ESRRG: variants seen among roughly 807,000 people sequenced by gnomAD.
ESRRG encodes the protein estrogen-related receptor gamma.
Under a neutral mutation model 44.0 loss-of-function variants are expected in ESRRG, and 13 were observed. The observed-to-expected ratio is 0.30, with a 90% confidence interval of 0.19 to 0.47. The LOEUF (loss-of-function observed/expected upper bound fraction) is 0.47, where lower values mean the gene tolerates loss of function less well. Ranked by LOEUF, ESRRG falls within the 20% of genes least tolerant of loss-of-function variation. The pLI, the probability that ESRRG is intolerant of heterozygous loss-of-function variation, is 1.00. For synonymous variants in ESRRG, 215 were observed against 214.6 expected, an observed-to-expected ratio of 1.00 and a Z score of -0.02; for missense variants, 395 against 580.6, an observed-to-expected ratio of 0.68 and a Z score of 3.29.
chr1:216,711,744 AATATACTTG>A lies in ESRRG; in HGVS notation c.56+11491_56+11499del, dbSNP rs543051889. Among the ~76,000 whole-genome samples the A allele has an allele frequency of 3.6e-3, 550 of 152,342 alleles. 4 individuals are homozygous for A. The highest frequency in any genetic ancestry group is 0.012 in the African/African-American group (491 of 41,578). ...AAAAAGTTGCTAAAAATGATATTAT[AATATACTTG>A]GTATAATTGTAGATAGAATTCATGT... is the stretch of plus-strand genomic sequence containing the variant. On this transcript the variant is annotated intron_variant, in intron 1 of 6. Coordinates refer to ENST00000408911, the MANE Select transcript of ESRRG (RefSeq NM_001438.4).
Position 217,035,606 on chromosome 1 carries a change from G to A in ESRRG, c.-106+53901C>T, listed in dbSNP as rs148708277. On this transcript the variant is annotated intron_variant, in intron 1 of 7. Coordinates refer to the ESRRG transcript ENST00000359162. The stretch of plus-strand genomic sequence containing the variant: ...CAGAAAAAAAGTTACTAGGCCCTGC[G>A]ATATTTAATAGGATGTTTTGGTTTA... 4.4e-3 allele frequency among the ~76,000 whole-genome samples: 659 copies of A among 150,888 alleles called. 4 individuals carry two copies. The highest frequency in any genetic ancestry group is 0.015 in the African/African-American group (630 of 41,140).
intron 1 of ESRRG, among the ~76,000 whole-genome samples, chr1:217,127,252 A>C (rs1310420267): frequency 6.6e-6 from 1 of 152,162 alleles, no homozygotes; most frequent in Non-Finnish European, 1.5e-5. Context: ...TTCTATGTTT[A>C]TTATTGCCTT....
rs191453513 is a variant in ESRRG, at chr1:216,807,647, C to T, written c.-13-130156G>A. ...GGAGGCAGATCTCAGCTGTGTTAGACGGGAGAGAACAGTAAGTTTCCGGTA... is the reference window on the plus strand; with the variant it reads ...GGAGGCAGATCTCAGCTGTGTTAGATGGGAGAGAACAGTAAGTTTCCGGTA... On this transcript the variant is annotated intron_variant, in intron 2 of 7. Coordinates refer to the ESRRG transcript ENST00000359162. 2.2e-3 allele frequency among the ~76,000 whole-genome samples: 328 copies of T among 151,812 alleles called. 2 individuals are homozygous for T. Among genetic ancestry groups the T allele is most frequent in the Non-Finnish European group, 3.7e-3 (254 of 67,988 alleles).
At chr1:216,781,744 TA>T (rs2093944608) in intron 2 of ESRRG, among the ~76,000 whole-genome samples, 1 of 151,976 alleles carries the variant, frequency 6.6e-6, no homozygotes, top group South Asian at 2.1e-4. Flanking sequence ...TGTAATCAGG[TA>T]AGACAAAAAC....
At chr1:216,815,134 G>A (rs1412805913) in intron 2 of ESRRG, among the ~76,000 whole-genome samples, 1 of 152,164 alleles carries the variant, frequency 6.6e-6, no homozygotes, top group African/African-American at 2.4e-5. Flanking sequence ...GGTCTTAGGT[G>A]AGCACATTAT....
chr1:216,561,599 G>A (rs571039306), intron 5 of ESRRG, among the ~76,000 whole-genome samples: 1 of 152,148 alleles, frequency 6.6e-6, no homozygotes, highest in Admixed American at 6.6e-5. Flanking sequence ...CTGTAGTGTG[G>A]TCCTCTACTG....
chr1:217,131,382 A>G lies in ESRRG; in HGVS notation c.-230+6285T>C, dbSNP rs185447243. Among the ~76,000 whole-genome samples, 5 of 147,756 alleles carry G rather than the reference A, an allele frequency of 3.4e-5. No homozygotes were observed. In the East Asian group the frequency reaches 5.8e-4, roughly 17 times the overall value. On this transcript the variant is annotated intron_variant, in intron 1 of 8. Transcript: ENST00000366940. ...TTTGAATAATTCAAGTTAAAAAAAT[A>G]TCTTCACTTTGATCTCAAGCATGTA...
intron 2 of ESRRG, among the ~76,000 whole-genome samples, chr1:216,914,512 C>T (rs1269427499): frequency 4.6e-5 from 7 of 152,128 alleles, no homozygotes; most frequent in African/African-American, 1.2e-4. Flanking sequence ...TCAGAAGGAA[C>T]GCTCACATAA....
chr1:216,718,021 A>G (rs1191896738), intron 1 of ESRRG, among the ~76,000 whole-genome samples: 1 of 151,858 alleles, frequency 6.6e-6, no homozygotes, highest in Non-Finnish European at 1.5e-5. Context: ...ATTATTTATG[A>G]TTTCCAGATA....
intron 1 of ESRRG, among the ~76,000 whole-genome samples, chr1:216,978,338 A>G (rs1449613360): frequency 6.6e-6 from 1 of 152,194 alleles, no homozygotes; most frequent in African/African-American, 2.4e-5. Context: ...AACAGAGACT[A>G]TATAGCTGGC....
intron 2 of ESRRG, among the ~76,000 whole-genome samples, chr1:216,663,617 CTCTT>C (rs371506297): frequency 7.9e-4 from 116 of 146,656 alleles, no homozygotes; most frequent in African/African-American, 2.6e-3. Flanking sequence ...AAAAATTTTT[CTCTT>C]TCTATCATTC....
Position 216,823,407 on chromosome 1 carries a change from G to C in ESRRG, c.-14+116175C>G, listed in dbSNP as rs567691380. Among the ~76,000 whole-genome samples the C allele has an allele frequency of 2.0e-5, 3 of 152,146 alleles. 1 individual carries two copies. The South Asian group carries it at 6.2e-4, about 32-fold the overall frequency. ...GTGAAACTAATGGATTCTTTGTTTT[G>C]TTTTCTTTGTGTTTAGGAAGAAAAT... On this transcript the variant is annotated intron_variant, in intron 2 of 7. Coordinates refer to the ESRRG transcript ENST00000359162.
At chr1:216,708,836 T>A (rs2082964735) in intron 1 of ESRRG, among the ~76,000 whole-genome samples, 4 of 152,074 alleles carry the variant, frequency 2.6e-5, no homozygotes. Context: ...AATGATAGAC[T>A]GGATAAAGAA....
At chr1:217,019,383 T>C (rs540112336) in intron 1 of ESRRG, among the ~76,000 whole-genome samples, 45 of 152,296 alleles carry the variant, frequency 3.0e-4, no homozygotes, top group African/African-American at 1.0e-3. Context: ...TTCCCACCAC[T>C]TCCAGGGGAG....
chr1:216,691,528 C>T (rs1044587967), intron 1 of ESRRG, among the ~76,000 whole-genome samples: 4 of 152,120 alleles, frequency 2.6e-5, no homozygotes, highest in Non-Finnish European at 5.9e-5. Flanking sequence ...CATTTCTTGC[C>T]TTCTTTAACT....
intron 1 of ESRRG, among the ~76,000 whole-genome samples, chr1:217,113,915 C>T (rs1243921818): frequency 6.6e-6 from 1 of 151,982 alleles, no homozygotes; most frequent in Non-Finnish European, 1.5e-5. Flanking sequence ...ATTGCCTAAG[C>T]TCAGGAGTTA....
Position 216,723,400 on chromosome 1 carries a change from T to C in ESRRG, c.-101A>G. 9.0e-7 allele frequency: 1 copy of C among 1,109,374 alleles called. No homozygotes were observed. The highest frequency in any genetic ancestry group is 2.4e-5 in the East Asian group (1 of 42,058). 68.7% of individuals were successfully genotyped at this position (1,109,374 alleles called of 1,614,324 possible). A position where few individuals can be genotyped will look rare whatever the true frequency, so the allele number is the denominator to read the frequency against. On this transcript the variant is annotated 5_prime_UTR_variant, in exon 1 of 7. In the 5' UTR this introduces an upstream ATG that the reference lacks. Coordinates refer to ENST00000408911, the MANE Select transcript of ESRRG (RefSeq NM_001438.4). ...ACAAATGTTCTCCTAGTGACAAGCC[T>C]ATAGGCACAGCCAGTTGGGACCAAA...
At chr1:216,595,560 T>C (rs541509100) in intron 3 of ESRRG, among the ~76,000 whole-genome samples, 121 of 152,344 alleles carry the variant, frequency 7.9e-4, no homozygotes, top group African/African-American at 2.8e-3. Context: ...AAAATGTCAA[T>C]TTCTCGGAAA....
intron 2 of ESRRG, among the ~76,000 whole-genome samples, chr1:216,844,066 T>A (rs2148902346): frequency 6.6e-6 from 1 of 152,188 alleles, no homozygotes. Context: ...TTCTTTTCTT[T>A]AAAAAACTAA....
Sources: gnomAD v4.1 joint callset for allele counts (sites outside exome capture counted in the v4.1 genomes callset) on GRCh38, gnomAD v4.1.1 for gene constraint, MANE v1.5 for transcripts, NCBI Gene and HGNC (gene_info 2026-07-23, HGNC 2026-07-21) for gene names.